Variants in SOX5 observed in about 807,000 individuals in gnomAD.
SOX5 encodes SRY-box transcription factor 5.
Under a neutral mutation model 92.0 loss-of-function variants are expected in SOX5, and 9 were observed. That is an observed-to-expected ratio of 0.10 (90% CI 0.06 to 0.17). SOX5 has a LOEUF of 0.17. Ranked by LOEUF, SOX5 falls within the 10% of genes least tolerant of loss-of-function variation. SOX5 has a pLI of 1.00. For missense variants in SOX5, 642 were observed against 944.5 expected (o/e 0.68, Z 4.20); for synonymous variants, 344 against 336.3 (o/e 1.02, Z -0.25).
At chr12:23,976,835 A>G (rs1340885625) in intron 4 of SOX5, among the ~76,000 whole-genome samples, 1 of 152,076 alleles carries the variant, frequency 6.6e-6, no homozygotes, top group East Asian at 1.9e-4. Context: ...TTTTAAAACA[A>G]AAACAAAAAC....
At chr12:24,446,765 A>G (rs1566185552) in intron 1 of SOX5, among the ~76,000 whole-genome samples, 1 of 146,694 alleles carries the variant, frequency 6.8e-6, no homozygotes, top group South Asian at 2.1e-4. Flanking sequence ...TAAACATAAT[A>G]TATGTTTTAT....
At chr12:24,266,110 C>T (rs1240487530) in intron 3 of SOX5, among the ~76,000 whole-genome samples, 1 of 150,312 alleles carries the variant, frequency 6.7e-6, no homozygotes, top group African/African-American at 2.5e-5. Flanking sequence ...GATGGGGTTT[C>T]ACCATGTTGC....
At chr12:23,624,975 A>G (rs1354784355) in intron 8 of SOX5, among the ~76,000 whole-genome samples, 1 of 152,200 alleles carries the variant, frequency 6.6e-6, no homozygotes, top group Non-Finnish European at 1.5e-5. Context: ...CTAAAACACT[A>G]GCTAACTTAG....
intron 4 of SOX5, among the ~76,000 whole-genome samples, chr12:24,020,044 C>G (rs1428172971): frequency 1.3e-5 from 2 of 152,132 alleles, no homozygotes; most frequent in South Asian, 2.1e-4. Flanking sequence ...AGTAAAAGAA[C>G]CATGTGATAT....
chr12:23,533,314 T>G lies in SOX5; in HGVS notation c.*905A>C, dbSNP rs1330138720. The G allele has an allele frequency of 4.1e-5, 15 of 363,120 alleles. No individual in the cohort carries two copies. Among genetic ancestry groups the G allele is most frequent in the Admixed American group, 3.9e-4 (14 of 35,992 alleles). 22.5% of individuals were successfully genotyped at this position (363,120 alleles called of 1,614,324 possible). A position where few individuals can be genotyped will look rare whatever the true frequency, so the allele number is the denominator to read the frequency against. On this transcript the variant is annotated 3_prime_UTR_variant, in exon 15 of 15. Coordinates refer to ENST00000451604, the MANE Select transcript of SOX5 (RefSeq NM_006940.6). Reference sequence around the variant, plus strand: ...TCTAAATTTCTTATGTCTCTCTCTCTCTCTCTCTTTTCACCTGAGAACAGC... The same window carrying G: ...TCTAAATTTCTTATGTCTCTCTCTCGCTCTCTCTTTTCACCTGAGAACAGC...
Position 23,570,923 on chromosome 12 carries a change from AAAAAAAAATATATATATATATATAT to A in SOX5, c.1342+4713_1342+4737del, listed in dbSNP as rs1389276122. Among the ~76,000 whole-genome samples, 148 of 42,210 alleles carry A rather than the reference AAAAAAAAATATATATATATATATAT, an allele frequency of 3.5e-3. 7 individuals are homozygous for A. The highest frequency in any genetic ancestry group is 0.012 in the African/African-American group (133 of 10,976). 27.7% of individuals were successfully genotyped at this position (42,210 alleles called of 152,430 possible). The stretch of plus-strand genomic sequence containing the variant: ...AAGACTCCAACTCAAAAAAAAAAAA[AAAAAAAAATATATATATATATATAT>A]ATATATATATATATATATATATATA... On this transcript the variant is annotated intron_variant, in intron 10 of 14. Coordinates refer to ENST00000451604, the MANE Select transcript of SOX5 (RefSeq NM_006940.6).
At chr12:24,098,494 C>A (rs1004409038) in intron 4 of SOX5, among the ~76,000 whole-genome samples, 5 of 152,194 alleles carry the variant, frequency 3.3e-5, no homozygotes, top group African/African-American at 4.8e-5. Context: ...ATAGACTCCA[C>A]CTGTAAATTA....
intron 3 of SOX5, among the ~76,000 whole-genome samples, chr12:23,843,224 G>T (rs1321852288): frequency 6.6e-6 from 1 of 152,020 alleles, no homozygotes; most frequent in Non-Finnish European, 1.5e-5. Flanking sequence ...AGCCTAAGAA[G>T]ACATGACAAC....
At chr12:23,560,980 G>A (rs1370289537) in intron 11 of SOX5, among the ~76,000 whole-genome samples, 1 of 152,086 alleles carries the variant, frequency 6.6e-6, no homozygotes, top group Admixed American at 6.6e-5. Flanking sequence ...CTACAATGAT[G>A]AAACTACTTC....
At chr12:24,441,113 T>C (rs1479197349) in intron 1 of SOX5, among the ~76,000 whole-genome samples, 1 of 152,168 alleles carries the variant, frequency 6.6e-6, no homozygotes, top group African/African-American at 2.4e-5. Context: ...TGTTTCCCAA[T>C]CCAGAACCCA....
chr12:24,238,358 G>GT (rs1264870559), intron 3 of SOX5, among the ~76,000 whole-genome samples: 2 of 152,106 alleles, frequency 1.3e-5, no homozygotes, highest in African/African-American at 4.8e-5. Flanking sequence ...CACAAGAGTA[G>GT]TTTTTTGAGT....
At chr12:24,111,427 A>T (rs758209195) in intron 4 of SOX5, among the ~76,000 whole-genome samples, 6 of 152,212 alleles carry the variant, frequency 3.9e-5, no homozygotes, top group Non-Finnish European at 8.8e-5. Context: ...ATTACCAAAA[A>T]GTCATGCTTT....
intron 7 of SOX5, among the ~76,000 whole-genome samples, chr12:23,663,316 T>C (rs2083321440): frequency 6.6e-6 from 1 of 152,202 alleles, no homozygotes; most frequent in Non-Finnish European, 1.5e-5. Flanking sequence ...AAAGTATGAA[T>C]ATTAAATGGT....
chr12:24,093,532 A>AAC (rs1331374982), intron 4 of SOX5, among the ~76,000 whole-genome samples: 1 of 150,178 alleles, frequency 6.7e-6, no homozygotes, highest in African/African-American at 2.5e-5. Context: ...CAAAAAAAAA[A>AAC]AAACAAAAAC....
chr12:24,068,354 A>C (rs981926690), intron 4 of SOX5, among the ~76,000 whole-genome samples: 2 of 152,144 alleles, frequency 1.3e-5, no homozygotes, highest in Non-Finnish European at 2.9e-5. Context: ...GAAATCTGAA[A>C]CCTTTGGTTT....
intron 1 of SOX5, among the ~76,000 whole-genome samples, chr12:24,400,654 T>C (rs1372891392): frequency 2.0e-5 from 3 of 152,202 alleles, no homozygotes; most frequent in South Asian, 2.1e-4. Context: ...CTTATCTAAA[T>C]AGACAAAATG....
chr12:24,155,466 T>G (rs1009714990), intron 4 of SOX5, among the ~76,000 whole-genome samples: 1 of 152,088 alleles, frequency 6.6e-6, no homozygotes, highest in Non-Finnish European at 1.5e-5. Context: ...ATTTTAAAAC[T>G]CAAAGTAACT....
chr12:23,715,155 C>T (rs576985693), intron 6 of SOX5, among the ~76,000 whole-genome samples: 35 of 152,002 alleles, frequency 2.3e-4, no homozygotes, highest in African/African-American at 8.2e-4. Context: ...AAAAATTAGC[C>T]GGGTGCGATG....
intron 4 of SOX5, among the ~76,000 whole-genome samples, chr12:23,992,263 T>C (rs1183375014): frequency 6.6e-6 from 1 of 152,168 alleles, no homozygotes; most frequent in Non-Finnish European, 1.5e-5. Context: ...TTTTAAAAGC[T>C]AGATTTTTCT....
Sources: allele counts gnomAD v4.1 joint callset (sites outside exome capture counted in the v4.1 genomes callset), GRCh38; gene constraint gnomAD v4.1.1; transcripts MANE v1.5; gene names NCBI Gene and HGNC (gene_info 2026-07-23, HGNC 2026-07-21).